Variants in SLC35F1 observed in about 807,000 individuals in gnomAD.
The protein encoded by SLC35F1 is solute carrier family 35 member F1.
Under a neutral mutation model 48.7 loss-of-function variants are expected in SLC35F1, and 14 were observed. The observed-to-expected ratio is 0.29, with a 90% CI of 0.19 to 0.45. The LOEUF (loss-of-function observed/expected upper bound fraction) is 0.45. Among genes scored for constraint, SLC35F1 ranks in the 20% least tolerant of loss-of-function variants. SLC35F1 has a pLI of 1.00. For missense variants in SLC35F1, 404 were observed against 500.0 expected (o/e 0.81, Z 1.83); for synonymous variants, 190 against 202.2 (o/e 0.94, Z 0.51).
At position 118,205,588 on chromosome 6, in the gene SLC35F1, G is replaced by A. The variant is rs188844923; in HGVS notation, c.350-29921G>A. Among the ~76,000 whole-genome samples, 4 of 152,238 alleles carry A rather than the reference G, an allele frequency of 2.6e-5. No homozygotes were observed. The East Asian group carries it at 7.7e-4, about 29-fold the overall frequency. ...AATTGGTGCCATGCTATGGAAAATG[G>A]TTCCTCAAGCAGTTAAATGTAGAAC... is the stretch of plus-strand genomic sequence containing the variant. On this transcript the variant is annotated intron_variant, in intron 2 of 7. Coordinates refer to ENST00000360388, the MANE Select transcript of SLC35F1 (RefSeq NM_001029858.4).
At chr6:118,278,006 C>G (rs554351313) in intron 6 of SLC35F1, among the ~76,000 whole-genome samples, 10 of 152,318 alleles carry the variant, frequency 6.6e-5, no homozygotes, top group African/African-American at 2.4e-4. Context: ...AAAAACCTTT[C>G]AGAAGGGAGC....
At chr6:118,272,737 G>GTATATATATA (rs1554243222) in intron 4 of SLC35F1, among the ~76,000 whole-genome samples, 1 of 120,250 alleles carries the variant, frequency 8.3e-6, no homozygotes, top group African/African-American at 3.2e-5. Flanking sequence ...ATATGTGTGT[G>GTATATATATA]TATATATATA....
At chr6:118,058,345 G>A (rs1772491258) in intron 1 of SLC35F1, among the ~76,000 whole-genome samples, 2 of 152,060 alleles carry the variant, frequency 1.3e-5, no homozygotes, top group Admixed American at 1.3e-4. Flanking sequence ...TTTCAATAGA[G>A]AGCACCTGTG....
At chr6:118,000,377 G>A (rs1435611188) in intron 1 of SLC35F1, among the ~76,000 whole-genome samples, 1 of 151,960 alleles carries the variant, frequency 6.6e-6, no homozygotes, top group South Asian at 2.1e-4. Flanking sequence ...ATGCAGAAAA[G>A]GCCTTTGACA....
chr6:118,286,272 C>A (rs1776047891), intron 7 of SLC35F1, among the ~76,000 whole-genome samples: 1 of 152,188 alleles, frequency 6.6e-6, no homozygotes. Context: ...AGTGGTATTA[C>A]AGCCACCATC....
rs34318594 is a variant in SLC35F1 at position 118,094,966 on chromosome 6, TAAA to T, written c.174-59465_174-59463del. ...CTGGGTGACAGAGCGAGACTCCGTC[TAAA>T]AAAAAAAAAAAAAGTAGCCAGGCAT... On this transcript the variant is annotated intron_variant, in intron 1 of 7. Coordinates refer to ENST00000360388, the MANE Select transcript of SLC35F1 (RefSeq NM_001029858.4). Among the ~76,000 whole-genome samples the T allele has an allele frequency of 5.0e-4, 69 of 138,576 alleles. 1 individual carries two copies. The highest frequency in any genetic ancestry group is 3.7e-3 in the Middle Eastern group (1 of 270). 90.9% of individuals were successfully genotyped at this position (138,576 alleles called of 152,430 possible).
At chr6:118,188,848 C>T (rs929107675) in intron 2 of SLC35F1, among the ~76,000 whole-genome samples, 4 of 152,096 alleles carry the variant, frequency 2.6e-5, no homozygotes, top group African/African-American at 7.2e-5. Context: ...AGGCATTTCT[C>T]GGTCATATGA....
chr6:118,161,840 TC>T (rs903733731), intron 2 of SLC35F1, among the ~76,000 whole-genome samples: 2 of 152,168 alleles, frequency 1.3e-5, no homozygotes, highest in Admixed American at 6.6e-5. Flanking sequence ...GTAGAGAAAG[TC>T]ACACAAGAAA....
At chr6:117,963,028 A>G (rs1776518181) in intron 1 of SLC35F1, among the ~76,000 whole-genome samples, 2 of 152,022 alleles carry the variant, frequency 1.3e-5, no homozygotes, top group South Asian at 4.2e-4. Context: ...TCGTAAACCC[A>G]TTGGAGGGGA....
At chr6:118,238,875 C>T (rs1158525244) in intron 3 of SLC35F1, among the ~76,000 whole-genome samples, 1 of 152,128 alleles carries the variant, frequency 6.6e-6, no homozygotes. Context: ...AATAGAAGTA[C>T]TGCTGGCATT....
intron 4 of SLC35F1, among the ~76,000 whole-genome samples, chr6:118,274,532 G>A (rs982135214): frequency 2.0e-5 from 3 of 152,010 alleles, no homozygotes; most frequent in African/African-American, 7.3e-5. Context: ...CAAGTAGCTG[G>A]GATTACAGGC....
chr6:117,996,768 A>C lies in SLC35F1; in HGVS notation c.173+88869A>C, dbSNP rs556169822. On this transcript the variant is annotated intron_variant, in intron 1 of 7. Transcript: ENST00000360388. ...AACAAACAGAAAGGACATCCACACCAAAAACCCATCTGTACATCACCATCA... is the reference window on the plus strand; with the variant it reads ...AACAAACAGAAAGGACATCCACACCCAAAACCCATCTGTACATCACCATCA... 4.6e-5 allele frequency among the ~76,000 whole-genome samples: 7 copies of C among 152,322 alleles called. No homozygotes were observed. The South Asian group carries it at 1.5e-3, about 32-fold the overall frequency.
intron 1 of SLC35F1, among the ~76,000 whole-genome samples, chr6:118,001,859 A>G (rs188813599): frequency 1.3e-3 from 192 of 152,082 alleles, no homozygotes; most frequent in Non-Finnish European, 1.8e-3. Context: ...AATGCTCACT[A>G]TCACTGGCCA....
intron 7 of SLC35F1, among the ~76,000 whole-genome samples, chr6:118,291,939 G>T (rs1420626115): frequency 6.6e-6 from 1 of 152,102 alleles, no homozygotes; most frequent in East Asian, 1.9e-4. Flanking sequence ...CCAACATTGT[G>T]AAACTCCGTC....
intron 6 of SLC35F1, among the ~76,000 whole-genome samples, chr6:118,281,505 A>C (rs1421144888): frequency 6.6e-6 from 1 of 152,166 alleles, no homozygotes; most frequent in Non-Finnish European, 1.5e-5. Flanking sequence ...AATGGGAGGC[A>C]GTAGAGGGAG....
intron 6 of SLC35F1, among the ~76,000 whole-genome samples, chr6:118,280,426 A>AG (rs1223236844): frequency 6.6e-6 from 1 of 152,158 alleles, no homozygotes; most frequent in Non-Finnish European, 1.5e-5. Context: ...TGTGGTATGC[A>AG]GGGGCCTTCT....
chr6:118,043,167 TG>T (rs1772251503), intron 1 of SLC35F1, among the ~76,000 whole-genome samples: 1 of 152,180 alleles, frequency 6.6e-6, no homozygotes, highest in Non-Finnish European at 1.5e-5. Context: ...AGTATACACA[TG>T]ATCTGTCCCT....
intron 2 of SLC35F1, among the ~76,000 whole-genome samples, chr6:118,225,875 C>A (rs375452562): frequency 0.017 from 2,197 of 130,704 alleles, no homozygotes; most frequent in Non-Finnish European, 0.019. Flanking sequence ...GACTTTGTCT[C>A]AAAAAAAAAA....
Position 118,231,502 on chromosome 6 carries a change from C to T in SLC35F1, c.350-4007C>T, listed in dbSNP as rs183406294. ...TAATGGGAGTCATGTAGATAAATCCCCAAGCTGGCTTTTCAACGGTTGCAT... is the reference window on the plus strand; with the variant it reads ...TAATGGGAGTCATGTAGATAAATCCTCAAGCTGGCTTTTCAACGGTTGCAT... On this transcript the variant is annotated intron_variant, in intron 2 of 7. Transcript: ENST00000360388. 8.1e-4 allele frequency among the ~76,000 whole-genome samples: 124 copies of T among 152,202 alleles called. 1 individual carries two copies. The highest frequency in any genetic ancestry group is 1.4e-3 in the Admixed American group (21 of 15,288).
Sources: allele counts gnomAD v4.1 joint callset (sites outside exome capture counted in the v4.1 genomes callset), GRCh38; gene constraint gnomAD v4.1.1; transcripts MANE v1.5; gene names NCBI Gene and HGNC (gene_info 2026-07-23, HGNC 2026-07-21).